The following AKAP13 variants were observed in gnomAD, a reference collection of about 807,000 sequenced individuals.
The protein encoded by AKAP13 is A-kinase anchoring protein 13, also known as A-kinase anchor protein 13.
In AKAP13, 80 loss-of-function variants were observed where a neutral mutation model predicts 264.5. The ratio of observed to expected loss-of-function variants is 0.30; its 90% CI spans 0.25 to 0.36. The LOEUF (loss-of-function observed/expected upper bound fraction) is 0.36. AKAP13 is among the 10% of genes least tolerant of loss of function. The pLI, the probability that AKAP13 is intolerant of heterozygous loss-of-function variation, is 1.00. For synonymous variants in AKAP13, 1,380 were observed against 1,250.2 expected, an observed-to-expected ratio of 1.10 and a Z score of -2.19; for missense variants, 3,712 against 3,435.2, an observed-to-expected ratio of 1.08 and a Z score of -2.01.
At position 85,580,572 on chromosome 15, in the gene AKAP13, C is replaced by G. The variant is rs754272717; in HGVS notation, c.2504C>G (p.Pro835Arg). 6.2e-7 allele frequency: 1 copy of G among 1,614,096 alleles called. No homozygotes were observed. Among genetic ancestry groups the G allele is most frequent in the African/African-American group, 1.3e-5 (1 of 74,918 alleles). ...GGCCCAGATGGAAATTCGAATGAGC[C>G]TGATACGCGGCCACTAGAAGACAGG... ...RDGPDGNSNE[P>R]DTRPLEDRAV... The change falls in exon 7 of 37, where the codon CCT becomes CGT. Residue 835 changes from proline (P) to arginine (R), a missense_variant. Around this residue, in one of 3 missense-constraint regions of AKAP13, gnomAD observed 2,759 missense variants for 2,411.7 expected, o/e 1.14. Transcript: ENST00000394518.
intron 23 of AKAP13, among the ~76,000 whole-genome samples, chr15:85,721,352 G>C (rs1019100056): frequency 3.3e-5 from 5 of 152,164 alleles, no homozygotes; most frequent in African/African-American, 1.2e-4. Context: ...TTTTGGTAAG[G>C]ATCAATTTGT....
At chr15:85,519,387 G>A (rs1290835511) in intron 2 of AKAP13, among the ~76,000 whole-genome samples, 2 of 152,314 alleles carry the variant, frequency 1.3e-5, no homozygotes, top group Admixed American at 6.5e-5. Flanking sequence ...GAATTGACTT[G>A]TGGGTCATAG....
At chr15:85,400,965 G>A (rs1196709192) in intron 1 of AKAP13, among the ~76,000 whole-genome samples, 5 of 151,684 alleles carry the variant, frequency 3.3e-5, no homozygotes, top group African/African-American at 9.7e-5. Flanking sequence ...GGATTCAAGC[G>A]ATTCTCCTGC....
chr15:85,431,877 G>A (rs2073038677), intron 1 of AKAP13, among the ~76,000 whole-genome samples: 1 of 152,118 alleles, frequency 6.6e-6, no homozygotes, highest in Non-Finnish European at 1.5e-5. Flanking sequence ...GTGTGCTTAC[G>A]TGTTTTTATT....
chr15:85,483,197 G>A (rs1280464125), intron 1 of AKAP13, among the ~76,000 whole-genome samples: 5 of 152,140 alleles, frequency 3.3e-5, no homozygotes, highest in African/African-American at 4.8e-5. Flanking sequence ...TGCAAATCAC[G>A]AAACATCAGA....
At chr15:85,637,074 GT>G (rs761423618) in intron 8 of AKAP13, among the ~76,000 whole-genome samples, 6 of 152,250 alleles carry the variant, frequency 3.9e-5, no homozygotes, top group Non-Finnish European at 8.8e-5. Context: ...TTTTGTTAAG[GT>G]TTTTTGCATC....
chr15:85,622,404 T>G (rs2081234933), intron 8 of AKAP13, among the ~76,000 whole-genome samples: 1 of 151,558 alleles, frequency 6.6e-6, no homozygotes, highest in African/African-American at 2.4e-5. Flanking sequence ...AAGGAAGGAA[T>G]GGACAGGGCC....
intron 1 of AKAP13, among the ~76,000 whole-genome samples, chr15:85,413,413 T>C (rs959172861): frequency 2.0e-5 from 3 of 152,228 alleles, no homozygotes; most frequent in African/African-American, 7.2e-5. Context: ...TTATGCTAGT[T>C]CTTTCATTTC....
intron 2 of AKAP13, chr15:85,520,787 C>T (rs909353171): frequency 4.0e-6 from 2 of 501,992 alleles, no homozygotes; most frequent in Non-Finnish European, 7.9e-6. Flanking sequence ...GGGATACGTT[C>T]TGAGAAATGT....
rs2089326529 is a variant in AKAP13 at position 85,745,017 on chromosome 15, G to T, written c.*340G>T. On this transcript the variant is annotated 3_prime_UTR_variant, in exon 37 of 37. Coordinates refer to ENST00000394518, the MANE Select transcript of AKAP13 (RefSeq NM_007200.5). ...CTAAAGGCTGAAAGAGTGTATCCAA[G>T]TAAGGTCTGAACCTCCGAATGCCTT... The T allele has an allele frequency of 4.5e-6, 1 of 223,286 alleles. No individual in the cohort carries two copies. The highest frequency in any genetic ancestry group is 5.1e-5 in the Admixed American group (1 of 19,574). 13.8% of individuals were successfully genotyped at this position (223,286 alleles called of 1,614,324 possible). A position where few individuals can be genotyped will look rare whatever the true frequency, so the allele number is the denominator to read the frequency against.
intron 8 of AKAP13, among the ~76,000 whole-genome samples, chr15:85,632,375 T>G (rs909657015): frequency 6.6e-6 from 1 of 152,204 alleles, no homozygotes; most frequent in African/African-American, 2.4e-5. Flanking sequence ...GTGTGACCTT[T>G]GCCCTTGACT....
At chr15:85,527,245 G>C (rs1473844199) in intron 3 of AKAP13, among the ~76,000 whole-genome samples, 1 of 152,150 alleles carries the variant, frequency 6.6e-6, no homozygotes, top group Non-Finnish European at 1.5e-5. Flanking sequence ...TTACAAGCGT[G>C]AGCCACCGCA....
Position 85,580,924 on chromosome 15 carries a change from A to G in AKAP13, c.2856A>G (p.Arg952=). Residue 952 remains arginine (R), a synonymous_variant, in exon 7 of 37, where the codon AGA becomes AGG. Coordinates refer to ENST00000394518, the MANE Select transcript of AKAP13 (RefSeq NM_007200.5). ...CAGGAACTTTGCAGGAAGAGCAGAG[A>G]ACACCACCTCCTGGACAAGATACTC... ...LSSGTLQEEQ[R]TPPPGQDTQQ... 6.2e-7 allele frequency: 1 copy of G among 1,614,204 alleles called. No individual in the cohort carries two copies. The highest frequency in any genetic ancestry group is 8.5e-7 in the Non-Finnish European group (1 of 1,180,042).
In AKAP13 at chr15:85,380,615, A is replaced by T. The variant is rs1038002945; in HGVS notation, c.-195A>T. On this transcript the variant is annotated 5_prime_UTR_variant, in exon 1 of 37. Coordinates refer to ENST00000394518, the MANE Select transcript of AKAP13 (RefSeq NM_007200.5). ...GCGGACTGGAGCTGTGTGCAGGGCC[A>T]GCGCGGAGCCCGAGCAGCCGCGGTG... The T allele has an allele frequency of 7.9e-6, 1 of 126,492 alleles. No individual in the cohort carries two copies. Among genetic ancestry groups the T allele is most frequent in the African/African-American group, 3.0e-5 (1 of 33,640 alleles). 7.8% of individuals were successfully genotyped at this position (126,492 alleles called of 1,614,324 possible). A position where few individuals can be genotyped will look rare whatever the true frequency, so the allele number is the denominator to read the frequency against.
At chr15:85,634,019 C>G (rs763407367) in intron 8 of AKAP13, among the ~76,000 whole-genome samples, 1 of 152,112 alleles carries the variant, frequency 6.6e-6, no homozygotes, top group African/African-American at 2.4e-5. Flanking sequence ...GATTCAGTTC[C>G]ATTCAGGATT....
At chr15:85,503,893 G>A (rs1217297257) in intron 2 of AKAP13, among the ~76,000 whole-genome samples, 1 of 152,186 alleles carries the variant, frequency 6.6e-6, no homozygotes, top group Non-Finnish European at 1.5e-5. Context: ...GTAGCAAAGT[G>A]TTTGAGGAGA....
At chr15:85,440,341 T>C (rs2073582929) in intron 1 of AKAP13, among the ~76,000 whole-genome samples, 1 of 152,206 alleles carries the variant, frequency 6.6e-6, no homozygotes, top group African/African-American at 2.4e-5. Flanking sequence ...ATGAAAACTT[T>C]TTCTTAATTT....
chr15:85,718,101 C>T lies in AKAP13; in HGVS notation c.5943C>T (p.Asp1981=), dbSNP rs775295171. 6.2e-7 allele frequency: 1 copy of T among 1,614,142 alleles called. No homozygotes were observed. The highest frequency in any genetic ancestry group is 1.7e-5 in the Admixed American group (1 of 60,012). The part of the protein sequence containing the change: ...LEAESWSRII[D]SKFLKQQKKD... The stretch of plus-strand genomic sequence containing the variant: ...CAGAGTCTTGGAGTCGGATAATAGA[C>T]AGCAAGTTTCTAAAACAGCAAAAGA... Residue 1981 remains aspartate, a synonymous_variant, in exon 22 of 37, where the codon GAC becomes GAT. Transcript: ENST00000394518. The surrounding 1 kb of genome is among the most constrained non-coding windows in gnomAD (Gnocchi z 4.9).
At chr15:85,464,090 T>G (rs990254428) in intron 1 of AKAP13, among the ~76,000 whole-genome samples, 4 of 152,190 alleles carry the variant, frequency 2.6e-5, no homozygotes, top group African/African-American at 9.6e-5. Context: ...ACTCTTCCCT[T>G]TCCCACACGG....
Sources: allele counts gnomAD v4.1 joint callset (sites outside exome capture counted in the v4.1 genomes callset), GRCh38; gene constraint gnomAD v4.1.1; regional missense constraint gnomAD v4.1.1; non-coding constraint Gnocchi (gnomAD v3.1); transcripts MANE v1.5; gene names NCBI Gene and HGNC (gene_info 2026-07-23, HGNC 2026-07-21).